The following EPB41L4B variants were observed in gnomAD, a reference collection of about 807,000 sequenced individuals.
EPB41L4B encodes the protein erythrocyte membrane protein band 4.1 like 4B.
A neutral mutation model predicts 112.5 loss-of-function variants in EPB41L4B; 30 were observed. That is an observed-to-expected ratio of 0.27 (90% CI 0.20 to 0.36). The LOEUF is 0.36. EPB41L4B is among the 10% of genes least tolerant of loss of function. EPB41L4B has a pLI of 1.00. For synonymous variants in EPB41L4B, 408 were observed against 439.7 expected, an observed-to-expected ratio of 0.93 and a Z score of 0.90; for missense variants, 1,024 against 1,133.3, an observed-to-expected ratio of 0.90 and a Z score of 1.38.
chr9:109,303,222 AGTG>A (rs1837045409), intron 1 of EPB41L4B, among the ~76,000 whole-genome samples: 1 of 152,178 alleles, frequency 6.6e-6, no homozygotes, highest in Non-Finnish European at 1.5e-5. Flanking sequence ...ATGTTAATGA[AGTG>A]GTGATCACTT....
chr9:109,191,949 C>T (rs10979740), intron 22 of EPB41L4B, among the ~76,000 whole-genome samples: 18,090 of 152,192 alleles, frequency 0.12, 2,007 homozygotes, highest in African/African-American at 0.29. Context: ...AGATTCCCCA[C>T]GGGTGGGCAT....
chr9:109,261,799 T>A (rs947987021), intron 6 of EPB41L4B, among the ~76,000 whole-genome samples: 3 of 152,046 alleles, frequency 2.0e-5, no homozygotes, highest in Non-Finnish European at 2.9e-5. Context: ...AAGTGTGTAC[T>A]AATTTTATAA....
At chr9:109,255,102 T>C (rs896518230) in intron 11 of EPB41L4B, among the ~76,000 whole-genome samples, 1 of 152,262 alleles carries the variant, frequency 6.6e-6, no homozygotes, top group Non-Finnish European at 1.5e-5. Context: ...CCAACAGAAC[T>C]TTCCAAAATG....
intron 19 of EPB41L4B, among the ~76,000 whole-genome samples, chr9:109,201,653 T>C (rs1254293404): frequency 6.6e-6 from 1 of 152,106 alleles, no homozygotes; most frequent in East Asian, 1.9e-4. Context: ...CGGGGAAAGC[T>C]ACGTGGAGGA....
At chr9:109,244,147 G>A (rs544169518) in intron 14 of EPB41L4B, among the ~76,000 whole-genome samples, 55 of 152,336 alleles carry the variant, frequency 3.6e-4, no homozygotes, top group Middle Eastern at 3.4e-3. Flanking sequence ...GGACTGGACA[G>A]GGATGCTAAG....
intron 15 of EPB41L4B, chr9:109,241,819 T>C (rs748506275): frequency 1.9e-6 from 3 of 1,613,960 alleles, no homozygotes; most frequent in African/African-American, 2.7e-5. Context: ...CCTGTTTTGT[T>C]TGCAGAGCGA....
intron 22 of EPB41L4B, among the ~76,000 whole-genome samples, chr9:109,188,759 A>G (rs965912676): frequency 2.0e-5 from 3 of 152,172 alleles, no homozygotes; most frequent in African/African-American, 7.2e-5. Flanking sequence ...TTCCAGACAC[A>G]TGAACTTTTG....
intron 17 of EPB41L4B, among the ~76,000 whole-genome samples, chr9:109,211,904 T>TGTGG (rs1833192580): frequency 1.3e-5 from 2 of 148,444 alleles, no homozygotes; most frequent in African/African-American, 2.5e-5. Flanking sequence ...ATAGTAGAGA[T>TGTGG]GGGGGGGGTC....
intron 21 of EPB41L4B, among the ~76,000 whole-genome samples, chr9:109,193,566 G>A (rs900118974): frequency 6.6e-5 from 10 of 152,200 alleles, no homozygotes; most frequent in South Asian, 2.1e-4. Context: ...CCTCCTGCAC[G>A]CACCTTTTCT....
At chr9:109,317,488 A>ACTGT (rs1326184671) in intron 1 of EPB41L4B, among the ~76,000 whole-genome samples, 1 of 152,188 alleles carries the variant, frequency 6.6e-6, no homozygotes, top group Non-Finnish European at 1.5e-5. Context: ...ACGCCCAATA[A>ACTGT]CTGTGGTCTG....
chr9:109,228,392 C>T (rs756626147), intron 15 of EPB41L4B, among the ~76,000 whole-genome samples: 2 of 152,176 alleles, frequency 1.3e-5, no homozygotes, highest in Non-Finnish European at 2.9e-5. Flanking sequence ...AAAAAACTGT[C>T]CATCTACTTA....
chr9:109,251,592 G>A (rs376714726), intron 12 of EPB41L4B, 81 bp from the exon 13 acceptor site: 13 of 1,273,110 alleles, frequency 1.0e-5, no homozygotes, highest in Non-Finnish European at 1.4e-5. Context: ...ATGGCCATGC[G>A]AGACTTCTAC....
intron 15 of EPB41L4B, among the ~76,000 whole-genome samples, chr9:109,236,692 G>A (rs10979767): frequency 6.6e-6 from 1 of 152,152 alleles, no homozygotes; most frequent in Non-Finnish European, 1.5e-5. Flanking sequence ...AACTATTGAG[G>A]ATTTCTTTTG....
intron 1 of EPB41L4B, among the ~76,000 whole-genome samples, chr9:109,298,891 C>A (rs1247896606): frequency 2.0e-5 from 3 of 152,172 alleles, no homozygotes; most frequent in African/African-American, 7.2e-5. Flanking sequence ...AAAAAGTACA[C>A]CATGTCCAAA....
At chr9:109,293,242 T>C (rs777451067) in intron 1 of EPB41L4B, among the ~76,000 whole-genome samples, 1 of 152,236 alleles carries the variant, frequency 6.6e-6, no homozygotes, top group African/African-American at 2.4e-5. Context: ...TGGTATTGTA[T>C]GCGTACATAA....
chr9:109,177,675 C>T (rs910114637), intron 24 of EPB41L4B, among the ~76,000 whole-genome samples: 3 of 151,626 alleles, frequency 2.0e-5, no homozygotes. Context: ...TACAAAAAAT[C>T]AGCCGGGCAC....
At position 109,174,096 on chromosome 9, in the gene EPB41L4B, G is replaced by T; in HGVS notation, c.*458C>A. The T allele has an allele frequency of 6.4e-6, 1 of 156,672 alleles. No individual in the cohort carries two copies. Among genetic ancestry groups the T allele is most frequent in the Admixed American group, 6.2e-5 (1 of 16,098 alleles). The allele number at this position is 156,672 out of a possible 1,614,324, so 9.7% of individuals were successfully genotyped here. ...ATGTTAAAGACTTTATAAGATCTGT[G>T]TATTTATCAGTGTAAATGAAAAACC... On this transcript the variant is annotated 3_prime_UTR_variant, in exon 26 of 26. Coordinates refer to ENST00000374566, the MANE Select transcript of EPB41L4B (RefSeq NM_019114.5).
intron 15 of EPB41L4B, among the ~76,000 whole-genome samples, chr9:109,229,233 G>C (rs902569222): frequency 3.9e-5 from 6 of 152,118 alleles, no homozygotes; most frequent in African/African-American, 1.4e-4. Flanking sequence ...CTTCCTTGCT[G>C]AACAGAATTT....
At chr9:109,193,893 A>G (rs953325065) in intron 21 of EPB41L4B, among the ~76,000 whole-genome samples, 1 of 152,170 alleles carries the variant, frequency 6.6e-6, no homozygotes, top group African/African-American at 2.4e-5. Flanking sequence ...TTGGGGGGGA[A>G]TCATTTCTCT....
Sources: gnomAD v4.1 joint callset for allele counts (sites outside exome capture counted in the v4.1 genomes callset) on GRCh38, gnomAD v4.1.1 for gene constraint, MANE v1.5 for transcripts, NCBI Gene and HGNC (gene_info 2026-07-23, HGNC 2026-07-21) for gene names.